The following EPB41L4A variants were observed in gnomAD, a reference collection of about 807,000 sequenced individuals.
EPB41L4A encodes the protein erythrocyte membrane protein band 4.1 like 4A.
In EPB41L4A, 100 loss-of-function variants were observed where a neutral mutation model predicts 108.6. That is an observed-to-expected ratio of 0.92 (90% CI 0.78 to 1.09). EPB41L4A has a LOEUF of 1.09. EPB41L4A is among the 50% of genes least tolerant of loss of function. The pLI, the probability that EPB41L4A is intolerant of heterozygous loss-of-function variation, is 0.00. For synonymous variants in EPB41L4A, 319 were observed against 289.0 expected, an observed-to-expected ratio of 1.10 and a Z score of -1.05; for missense variants, 1,030 against 842.7, an observed-to-expected ratio of 1.22 and a Z score of -2.75.
At chr5:112,192,725 G>C (rs1215867764) in intron 17 of EPB41L4A, among the ~76,000 whole-genome samples, 1 of 152,184 alleles carries the variant, frequency 6.6e-6, no homozygotes, top group African/African-American at 2.4e-5. Context: ...CCTTTCACTA[G>C]TGTTTCATTT....
At chr5:112,243,459 G>A (rs1749969814) in intron 9 of EPB41L4A, among the ~76,000 whole-genome samples, 1 of 152,164 alleles carries the variant, frequency 6.6e-6, no homozygotes, top group African/African-American at 2.4e-5. Flanking sequence ...GTCACCAGCT[G>A]CAGTAGCACC....
chr5:112,154,064 T>C (rs1419373273), intron 12 of EPB41L4A, among the ~76,000 whole-genome samples: 1 of 152,150 alleles, frequency 6.6e-6, no homozygotes, highest in African/African-American at 2.4e-5. Context: ...TTTAAATATA[T>C]TGGGAAGTAC....
intron 1 of EPB41L4A, among the ~76,000 whole-genome samples, chr5:112,312,380 T>C (rs1384125480): frequency 6.6e-6 from 1 of 152,194 alleles, no homozygotes; most frequent in Non-Finnish European, 1.5e-5. Flanking sequence ...CTTTAGCATC[T>C]TTTGTTACCC....
At chr5:112,301,111 T>C (rs1419448880) in intron 2 of EPB41L4A, among the ~76,000 whole-genome samples, 1 of 152,166 alleles carries the variant, frequency 6.6e-6, no homozygotes, top group East Asian at 1.9e-4. Flanking sequence ...GCCTCCTTAA[T>C]TGGTTTAATA....
At chr5:112,419,522 G>C (rs974843520), upstream of EPB41L4A, 1 of 410,108 alleles carries the variant, frequency 2.4e-6, no homozygotes, top group Admixed American at 2.7e-5. Flanking sequence ...GCGTCCGATC[G>C]GCCTGCGGAG....
chr5:112,354,263 G>A (rs934733594), intron 1 of EPB41L4A, among the ~76,000 whole-genome samples: 15 of 152,156 alleles, frequency 9.9e-5, no homozygotes, highest in African/African-American at 3.6e-4. Context: ...TAAGGCTTAT[G>A]ACAGCTACAG....
At chr5:112,257,181 C>T (rs768555595) in intron 9 of EPB41L4A, 1 of 152,180 alleles carries the variant, frequency 6.6e-6, no homozygotes, top group Non-Finnish European at 1.5e-5. Flanking sequence ...TTATGTAAAT[C>T]ACTGCCTCAC....
chr5:112,162,269 A>T (rs1433285981), downstream of EPB41L4A: 1 of 152,248 alleles, frequency 6.6e-6, no homozygotes, highest in African/African-American at 2.4e-5. Context: ...GTAAATACAC[A>T]TTTAAGACAG....
intron 9 of EPB41L4A, among the ~76,000 whole-genome samples, chr5:112,246,686 G>A (rs1223983116): frequency 2.6e-5 from 4 of 152,060 alleles, no homozygotes; most frequent in East Asian, 1.9e-4. Flanking sequence ...AGACACAAAC[G>A]CATATCTGAC....
intron 12 of EPB41L4A, among the ~76,000 whole-genome samples, chr5:112,218,750 T>C (rs573004339): frequency 5.9e-5 from 9 of 152,262 alleles, no homozygotes; most frequent in African/African-American, 1.9e-4. Context: ...GGAAGTTTTT[T>C]GTCTGCTTCC....
At chr5:112,389,285 C>T (rs1760773363) in intron 1 of EPB41L4A, among the ~76,000 whole-genome samples, 1 of 152,164 alleles carries the variant, frequency 6.6e-6, no homozygotes, top group Non-Finnish European at 1.5e-5. Context: ...TACTAATAAG[C>T]ATTTAATATT....
downstream of EPB41L4A, among the ~76,000 whole-genome samples, chr5:112,160,277 C>T (rs752988701): frequency 6.6e-6 from 1 of 152,054 alleles, no homozygotes; most frequent in Non-Finnish European, 1.5e-5. Flanking sequence ...CTGTTTCCAT[C>T]GGACAGCGCT....
At chr5:112,159,825 C>G (rs928970994), downstream of EPB41L4A, among the ~76,000 whole-genome samples, 1 of 151,552 alleles carries the variant, frequency 6.6e-6, no homozygotes, top group African/African-American at 2.4e-5. Flanking sequence ...TATTAATAAT[C>G]TCATATTGAT....
intron 4 of EPB41L4A, among the ~76,000 whole-genome samples, chr5:112,268,284 A>G (rs950789944): frequency 2.0e-5 from 3 of 152,214 alleles, no homozygotes; most frequent in Admixed American, 2.0e-4. Flanking sequence ...AAGGTGAGGC[A>G]GCAGAATCAC....
chr5:112,158,367 A>G, downstream of EPB41L4A: 1 of 333,710 alleles, frequency 3.0e-6, no homozygotes, highest in Non-Finnish European at 6.0e-6. Context: ...AATTCTTTAA[A>G]CTAACCCATA....
rs950280830 is a variant in EPB41L4A at position 112,145,987 on chromosome 5, G to A, written n.1006C>T. The A allele has an allele frequency of 8.8e-6, 4 of 456,416 alleles. No individual in the cohort carries two copies. In the East Asian group the frequency reaches 2.8e-4, roughly 32 times the overall value. The allele number at this position is 456,416 out of a possible 1,614,324, so 28.3% of individuals were successfully genotyped here. On this transcript the variant is annotated non_coding_transcript_exon_variant, in exon 13 of 14. Coordinates refer to the EPB41L4A transcript ENST00000507810. ...GTTCTCTGCCCTTTCTAGGTCTGGA[G>A]GTCTGGACACCCTGTTAAAGAAAAA... is the stretch of plus-strand genomic sequence containing the variant.
At chr5:112,396,778 T>A (rs1761381095) in intron 1 of EPB41L4A, among the ~76,000 whole-genome samples, 1 of 152,190 alleles carries the variant, frequency 6.6e-6, no homozygotes, top group Admixed American at 6.5e-5. Flanking sequence ...GTGCCTTGTA[T>A]AATCTAGTCT....
intron 9 of EPB41L4A, among the ~76,000 whole-genome samples, chr5:112,257,473 C>G (rs1751186906): frequency 2.0e-5 from 3 of 152,090 alleles, no homozygotes; most frequent in Admixed American, 2.0e-4. Context: ...GCCGAGTACA[C>G]AGGAAACAGG....
intron 13 of EPB41L4A, among the ~76,000 whole-genome samples, chr5:112,209,196 T>C (rs145144625): frequency 3.7e-4 from 57 of 152,366 alleles, no homozygotes; most frequent in African/African-American, 1.3e-3. Flanking sequence ...CCCCATGATG[T>C]ATGGGGGGCA....
Sources: allele counts gnomAD v4.1 joint callset (sites outside exome capture counted in the v4.1 genomes callset), GRCh38; gene constraint gnomAD v4.1.1; transcripts MANE v1.5; gene names NCBI Gene and HGNC (gene_info 2026-07-23, HGNC 2026-07-21).